LRTM1: variants seen among roughly 807,000 people sequenced by gnomAD.
The protein encoded by LRTM1 is leucine-rich repeat and transmembrane domain-containing protein 1.
Under a neutral mutation model 32.4 loss-of-function variants are expected in LRTM1, and 38 were observed. The ratio of observed to expected loss-of-function variants is 1.17; its 90% CI spans 0.91 to 1.54. The LOEUF (loss-of-function observed/expected upper bound fraction) is 1.54. Among genes scored for constraint, LRTM1 ranks in the 40% most tolerant of loss-of-function variants. The pLI is 0.00. For synonymous variants in LRTM1, 186 were observed against 169.9 expected (o/e 1.09, Z -0.74); for missense variants, 466 against 415.4 (o/e 1.12, Z -1.06).
chr3:54,958,117 A>G (rs1701946532), intron 1 of LRTM1, among the ~76,000 whole-genome samples: 1 of 152,250 alleles, frequency 6.6e-6, no homozygotes, highest in Non-Finnish European at 1.5e-5. Context: ...AAGAGCCTCA[A>G]CCTCTAGTTG....
At chr3:54,949,375 AGCT>A (rs1701698345) in intron 1 of LRTM1, among the ~76,000 whole-genome samples, 1 of 152,224 alleles carries the variant, frequency 6.6e-6, no homozygotes, top group Non-Finnish European at 1.5e-5. Flanking sequence ...ATGCCTGCTC[AGCT>A]GGCAAAAGTA....
At chr3:54,924,373 A>G (rs1700947981) in intron 2 of LRTM1, among the ~76,000 whole-genome samples, 1 of 152,234 alleles carries the variant, frequency 6.6e-6, no homozygotes. Flanking sequence ...ACTTCTTGTT[A>G]TATTAATTAA....
In LRTM1 at chr3:54,925,033, G is replaced by A; in HGVS notation, c.190C>T (p.His64Tyr). ...GACCTAAATGCAAAAGCAGGAAGAT[G>A]GTGTATCTGATTATCTTGTAAATGC... Reference protein sequence around the residue: ...TLHLQDNQIHHLPAFAFRSVP... With the variant: ...TLHLQDNQIHYLPAFAFRSVP... Residue 64 changes from histidine (H) to tyrosine (Y), a missense_variant, in exon 2 of 3, where the codon CAT becomes TAT. By Grantham distance (83) the His-to-Tyr change is moderately conservative (BLOSUM62 2). Transcript: ENST00000273286. 6.2e-7 allele frequency: 1 copy of A among 1,613,970 alleles called. No individual in the cohort carries two copies. The highest frequency in any genetic ancestry group is 2.2e-5 in the East Asian group (1 of 44,786).
At chr3:54,938,140 A>G (rs1701376108) in intron 1 of LRTM1, among the ~76,000 whole-genome samples, 1 of 152,192 alleles carries the variant, frequency 6.6e-6, no homozygotes, top group South Asian at 2.1e-4. Context: ...GGGCAGCAGA[A>G]TGGCAGAGTT....
At chr3:54,960,908 C>T (rs1279439258) in intron 1 of LRTM1, among the ~76,000 whole-genome samples, 2 of 152,166 alleles carry the variant, frequency 1.3e-5, no homozygotes, top group Non-Finnish European at 2.9e-5. Context: ...AACAGACCTC[C>T]GGAATGGGCT....
intron 1 of LRTM1, among the ~76,000 whole-genome samples, chr3:54,944,703 G>T (rs529866075): frequency 6.6e-6 from 1 of 152,312 alleles, no homozygotes; most frequent in East Asian, 1.9e-4. Context: ...TTACAGGCGT[G>T]AGCCACCGCG....
At chr3:54,959,553 C>A (rs780701318) in intron 1 of LRTM1, among the ~76,000 whole-genome samples, 28 of 152,228 alleles carry the variant, frequency 1.8e-4, no homozygotes, top group Non-Finnish European at 3.1e-4. Flanking sequence ...AGAAACTTGA[C>A]CCCCAATTTT....
chr3:54,936,774 TTCA>T (rs1362134153), intron 1 of LRTM1, among the ~76,000 whole-genome samples: 2 of 152,144 alleles, frequency 1.3e-5, no homozygotes, highest in African/African-American at 2.4e-5. Context: ...CTGCTTAGCT[TTCA>T]TCATGAAGCA....
chr3:54,950,010 T>C (rs2043541536), intron 1 of LRTM1, among the ~76,000 whole-genome samples: 1 of 152,208 alleles, frequency 6.6e-6, no homozygotes, highest in South Asian at 2.1e-4. Context: ...AAGAAAAAGA[T>C]TCGTCTTGAA....
chr3:54,926,776 T>A (rs1045363038), intron 1 of LRTM1, among the ~76,000 whole-genome samples: 5 of 152,230 alleles, frequency 3.3e-5, no homozygotes, highest in Admixed American at 3.3e-4. Context: ...ACGGTTGCAG[T>A]TTTTTTCTTC....
intron 1 of LRTM1, among the ~76,000 whole-genome samples, chr3:54,951,917 C>T (rs183199862): frequency 4.0e-4 from 61 of 152,188 alleles, no homozygotes; most frequent in Middle Eastern, 6.8e-3. Flanking sequence ...GACGCGATCT[C>T]GGCTCACTGC....
intron 1 of LRTM1, among the ~76,000 whole-genome samples, chr3:54,952,246 C>T (rs759702594): frequency 1.3e-5 from 2 of 152,202 alleles, no homozygotes; most frequent in Admixed American, 6.5e-5. Context: ...GTTGGCCTTG[C>T]ACTCTGCAGC....
At chr3:54,944,805 A>C (rs1333895677) in intron 1 of LRTM1, among the ~76,000 whole-genome samples, 1 of 141,080 alleles carries the variant, frequency 7.1e-6, no homozygotes, top group Non-Finnish European at 1.5e-5. Flanking sequence ...GACTGTAGTT[A>C]GAGCTGGGGG....
At chr3:54,947,712 G>C (rs867863364) in intron 1 of LRTM1, among the ~76,000 whole-genome samples, 3 of 152,092 alleles carry the variant, frequency 2.0e-5, no homozygotes, top group Non-Finnish European at 2.9e-5. Context: ...GTCAGGACTC[G>C]GTCTTGGGAA....
chr3:54,942,172 G>A (rs1425939072), intron 1 of LRTM1, among the ~76,000 whole-genome samples: 1 of 152,232 alleles, frequency 6.6e-6, no homozygotes, highest in Admixed American at 6.5e-5. Flanking sequence ...TTCTGCAACA[G>A]GGCAGTGATA....
chr3:54,935,872 CAGTT>C (rs888241839), intron 1 of LRTM1, among the ~76,000 whole-genome samples: 1 of 152,236 alleles, frequency 6.6e-6, no homozygotes, highest in African/African-American at 2.4e-5. Context: ...CTCTGGAAAA[CAGTT>C]AGTCTTAAGC....
chr3:54,918,325 T>TTTTTTTTC lies in LRTM1; in HGVS notation c.*133_*134insGAAAAAAA. ...AAATATTTTTTACAGACACATCTTT[T>TTTTTTTTC]TTTTTTCTTTTTTTTTTTTTTTTTT... On this transcript the variant is annotated 3_prime_UTR_variant, in exon 3 of 3. Coordinates refer to ENST00000273286, the MANE Select transcript of LRTM1 (RefSeq NM_020678.4). The TTTTTTTTC allele has an allele frequency of 2.4e-6, 1 of 409,390 alleles. No individual in the cohort carries two copies. The highest frequency in any genetic ancestry group is 2.8e-5 in the African/African-American group (1 of 36,180). The allele number at this position is 409,390 out of a possible 1,614,324, so 25.4% of individuals were successfully genotyped here.
intron 1 of LRTM1, among the ~76,000 whole-genome samples, chr3:54,948,816 T>A (rs1410532500): frequency 6.6e-6 from 1 of 152,228 alleles, no homozygotes; most frequent in African/African-American, 2.4e-5. Flanking sequence ...TACAGTTGCA[T>A]CTGTCAGGAG....
chr3:54,948,717 G>A (rs1701678521), intron 1 of LRTM1, among the ~76,000 whole-genome samples: 1 of 152,180 alleles, frequency 6.6e-6, no homozygotes, highest in Non-Finnish European at 1.5e-5. Context: ...GCTGTTGTCA[G>A]CTATTGTATT....
Sources: allele counts gnomAD v4.1 joint callset (sites outside exome capture counted in the v4.1 genomes callset), GRCh38; gene constraint gnomAD v4.1.1; transcripts MANE v1.5; gene names NCBI Gene and HGNC (gene_info 2026-07-23, HGNC 2026-07-21).